TKT: variants seen among roughly 807,000 people sequenced by gnomAD.
TKT encodes epididymis luminal protein 107.
TKT carries 47 observed loss-of-function variants against 63.9 expected under a neutral mutation model. The ratio of observed to expected loss-of-function variants is 0.74; its 90% CI spans 0.58 to 0.94. TKT has a LOEUF of 0.94. Ranked by LOEUF, TKT falls within the 40% of genes least tolerant of loss-of-function variation. The pLI, the probability that TKT is intolerant of heterozygous loss-of-function variation, is 0.00. For missense variants in TKT, 721 were observed against 846.2 expected, an observed-to-expected ratio of 0.85 and a Z score of 1.84; for synonymous variants, 338 against 334.1, an observed-to-expected ratio of 1.01 and a Z score of -0.13.
intron 13 of TKT, chr3:53,226,537 G>T: frequency 1.7e-6 from 1 of 574,640 alleles, no homozygotes; most frequent in Non-Finnish European, 3.0e-6. Context: ...TTCCTGGGCA[G>T]CAGGAGCTCC....
rs1448076397 is a variant in TKT at position 53,235,154 on chromosome 3, A to G, written c.458T>C (p.Leu153Pro). 1.2e-6 allele frequency: 2 copies of G among 1,612,456 alleles called. No individual in the cohort carries two copies. Among genetic ancestry groups the G allele is most frequent in the Non-Finnish European group, 8.5e-7 (1 of 1,179,388 alleles). The change falls in exon 5 of 14, where the codon CTG becomes CCG. Residue 153 changes from leucine (L) to proline (P), a missense_variant. Leu to Pro is a moderately conservative substitution (Grantham distance 98, BLOSUM62 -3). Coordinates refer to ENST00000462138, the MANE Select transcript of TKT (RefSeq NM_001064.4). ...DKASYRVYCLLGDGELSEGSV... is the reference protein window; with the variant it reads ...DKASYRVYCLPGDGELSEGSV... ...GCCCTCTGACAGCTCCCCGTCTCCC[A>G]GCAAGCAATAGACTCGGTAGCTGTG...
At chr3:53,227,864 A>G in intron 12 of TKT, 192 bp downstream of exon 12, 2 of 566,644 alleles carry the variant, frequency 3.5e-6, no homozygotes. Context: ...CAGCCCCAGG[A>G]CTTAGCAACA....
intron 12 of TKT, 45 bp from the exon 13 acceptor site, chr3:53,226,923 C>T: frequency 1.3e-6 from 2 of 1,561,926 alleles, no homozygotes; most frequent in Non-Finnish European, 1.7e-6. Flanking sequence ...GGGCTGGGCA[C>T]CACTATCTGC....
intron 4 of TKT, among the ~76,000 whole-genome samples, chr3:53,236,278 C>T (rs1705027362): frequency 3.3e-5 from 5 of 152,254 alleles, no homozygotes; most frequent in Admixed American, 3.3e-4. Flanking sequence ...GCCTCCAGGC[C>T]TCCCTGCCGC....
chr3:53,225,578 C>A lies in TKT; in HGVS notation c.*178G>T. The A allele has an allele frequency of 1.4e-6, 1 of 708,338 alleles. No homozygotes were observed. Among genetic ancestry groups the A allele is most frequent in the Non-Finnish European group, 2.1e-6 (1 of 467,164 alleles). 43.9% of individuals were successfully genotyped at this position (708,338 alleles called of 1,614,324 possible). ...AAGGACACCAGCCTCCCTAGCGCAC[C>A]CTCCACGCTTCTTCCCCAGAACCTG... On this transcript the variant is annotated 3_prime_UTR_variant, in exon 14 of 14. Transcript: ENST00000462138.
intron 6 of TKT, chr3:53,232,936 T>C (rs1291151206): frequency 3.8e-6 from 2 of 530,686 alleles, no homozygotes; most frequent in Non-Finnish European, 6.7e-6. Context: ...TCCTCCTGCC[T>C]GTACATGCCC....
chr3:53,238,500 G>C (rs1372654583), intron 4 of TKT, among the ~76,000 whole-genome samples: 2 of 152,216 alleles, frequency 1.3e-5, no homozygotes, highest in Non-Finnish European at 2.9e-5. Flanking sequence ...CCTGCACACA[G>C]AAGGTGCTCC....
intron 12 of TKT, 88 bp downstream of exon 12, chr3:53,227,964 CAAGA>C (rs1251583184): frequency 9.3e-5 from 105 of 1,128,080 alleles, no homozygotes; most frequent in Non-Finnish European, 1.3e-4. Flanking sequence ...GTGAGCTCTT[CAAGA>C]AAGAACAGAA....
At chr3:53,240,948 T>G (rs2106702240) in intron 3 of TKT, among the ~76,000 whole-genome samples, 184 bp downstream of exon 3, 1 of 152,338 alleles carries the variant, frequency 6.6e-6, no homozygotes, top group East Asian at 1.9e-4. Context: ...CCTTCCCCTT[T>G]GGCACCAGCT....
rs79646294 is a variant in TKT at position 53,246,375 on chromosome 3, G to C, written c.108-4133C>G. On this transcript the variant is annotated intron_variant, in intron 1 of 13. Transcript: ENST00000462138. ...CTCACTTATATGTTTATCAATAGAC[G>C]AGGTTAACTGGAATATATTAATATA... 4.4e-4 allele frequency among the ~76,000 whole-genome samples: 67 copies of C among 152,266 alleles called. 2 individuals are homozygous for C. The East Asian group carries it at 0.013, about 29-fold the overall frequency.
chr3:53,240,404 C>T (rs1459279332), intron 3 of TKT, 56 bp from the exon 4 acceptor site: 2 of 1,533,628 alleles, frequency 1.3e-6, no homozygotes, highest in Non-Finnish European at 1.8e-6. Context: ...CTGGTCTCAC[C>T]CGCCTAGGGA....
intron 5 of TKT, chr3:53,234,681 G>C: frequency 3.7e-6 from 1 of 268,844 alleles, no homozygotes; most frequent in South Asian, 8.3e-5. Context: ...CATCCCTCAA[G>C]AACCCTCCTT....
chr3:53,243,002 C>T (rs887383270), intron 1 of TKT, among the ~76,000 whole-genome samples: 1 of 152,146 alleles, frequency 6.6e-6, no homozygotes, highest in African/African-American at 2.4e-5. Flanking sequence ...AAGCAAGACA[C>T]ATAATCTCAT....
intron 13 of TKT, chr3:53,226,308 C>G: frequency 7.5e-6 from 2 of 265,012 alleles, no homozygotes; most frequent in Non-Finnish European, 7.3e-6. Context: ...GTCCATAGTC[C>G]AATTATCTAC....
chr3:53,233,916 C>T (rs1553677827), intron 5 of TKT: 1 of 152,174 alleles, frequency 6.6e-6, no homozygotes. Context: ...CTGAGCTGGC[C>T]CCATTGTACA....
intron 7 of TKT, 84 bp from the exon 8 acceptor site, chr3:53,230,705 G>T: frequency 1.3e-6 from 2 of 1,518,132 alleles, no homozygotes; most frequent in Non-Finnish European, 1.8e-6. Flanking sequence ...TTCAGAGAAG[G>T]ATTAAAACGG....
intron 1 of TKT, among the ~76,000 whole-genome samples, chr3:53,248,524 G>T (rs927761661): frequency 6.6e-6 from 1 of 152,132 alleles, no homozygotes; most frequent in South Asian, 2.1e-4. Context: ...AGCTACTTAG[G>T]AGGCTGAGCT....
At chr3:53,237,327 G>T (rs1705074879) in intron 4 of TKT, among the ~76,000 whole-genome samples, 1 of 152,058 alleles carries the variant, frequency 6.6e-6, no homozygotes, top group South Asian at 2.1e-4. Flanking sequence ...GGCGGAGGTT[G>T]CAGTGAGCTA....
At chr3:53,253,134 G>A (rs782416677) in intron 1 of TKT, among the ~76,000 whole-genome samples, 2 of 151,980 alleles carry the variant, frequency 1.3e-5, no homozygotes, top group Non-Finnish European at 2.9e-5. Flanking sequence ...GAGTCACTGC[G>A]CCTGGCCGAA....
Sources: allele counts gnomAD v4.1 joint callset (sites outside exome capture counted in the v4.1 genomes callset), GRCh38; gene constraint gnomAD v4.1.1; transcripts MANE v1.5; gene names NCBI Gene and HGNC (gene_info 2026-07-23, HGNC 2026-07-21).